IGSF11: variants seen among roughly 807,000 people sequenced by gnomAD.
IGSF11 encodes the protein immunoglobulin superfamily member 11.
A neutral mutation model predicts 41.0 loss-of-function variants in IGSF11; 22 were observed. The observed-to-expected ratio is 0.54, with a 90% confidence interval of 0.38 to 0.77. The LOEUF (loss-of-function observed/expected upper bound fraction) is 0.77. IGSF11 is among the 30% of genes least tolerant of loss of function. IGSF11 has a pLI of 0.00. For synonymous variants in IGSF11, 219 were observed against 201.3 expected (o/e 1.09, Z -0.74); for missense variants, 444 against 530.8 (o/e 0.84, Z 1.61).
At chr3:119,034,862 C>G, upstream of IGSF11, 1 of 1,208,984 alleles carries the variant, frequency 8.3e-7, no homozygotes, top group Non-Finnish European at 1.0e-6. Context: ...ACCCCTCGCG[C>G]AGTCCGGGGA....
chr3:119,059,433 C>G (rs1559843488), intron 1 of IGSF11, among the ~76,000 whole-genome samples: 1 of 151,928 alleles, frequency 6.6e-6, no homozygotes, highest in Non-Finnish European at 1.5e-5. Flanking sequence ...GTGGTGATTA[C>G]AAAAAAGTAC....
rs770350844 is a variant in IGSF11 at position 118,905,737 on chromosome 3, C to G, written c.581-19G>C. 3.1e-6 allele frequency: 5 copies of G among 1,612,822 alleles called. No individual in the cohort carries two copies. The highest frequency in any genetic ancestry group is 1.6e-4 in the Middle Eastern group (1 of 6,076). On this transcript the variant is annotated intron_variant, in intron 4 of 6. Coordinates refer to ENST00000393775, the MANE Select transcript of IGSF11 (RefSeq NM_001015887.3). Reference sequence around the variant, plus strand: ...ACCTGGTCTGTCACAAAAATAATAACCGAGTGAGGATTTGGCGGGACTAAT... The same window carrying G: ...ACCTGGTCTGTCACAAAAATAATAAGCGAGTGAGGATTTGGCGGGACTAAT...
At chr3:119,037,902 T>C (rs1692022469), upstream of IGSF11, among the ~76,000 whole-genome samples, 1 of 152,214 alleles carries the variant, frequency 6.6e-6, no homozygotes, top group Admixed American at 6.5e-5. Context: ...CATTCATATA[T>C]ATAAATTAAA....
intron 1 of IGSF11, among the ~76,000 whole-genome samples, chr3:119,044,956 A>G (rs1360692516): frequency 2.6e-5 from 4 of 152,232 alleles, no homozygotes; most frequent in Non-Finnish European, 5.9e-5. Flanking sequence ...ACCGCCTTAA[A>G]GCACAAATCT....
chr3:119,135,824 C>T (rs4387958), intron 1 of IGSF11, among the ~76,000 whole-genome samples: 30,143 of 152,042 alleles, frequency 0.2, 3,245 homozygotes, highest in South Asian at 0.29. Flanking sequence ...AAATGTCCAC[C>T]GATAATAGAC....
intron 1 of IGSF11, among the ~76,000 whole-genome samples, chr3:118,971,600 C>T (rs539184115): frequency 6.6e-5 from 10 of 152,104 alleles, no homozygotes; most frequent in African/African-American, 2.4e-4. Flanking sequence ...GTCAGGGGTT[C>T]AAGACCAGCC....
At chr3:118,947,264 C>T (rs1315694742) in intron 1 of IGSF11, 1 of 152,148 alleles carries the variant, frequency 6.6e-6, no homozygotes, top group Non-Finnish European at 1.5e-5. Flanking sequence ...TGCAAAATGG[C>T]TTGCAACTAA....
chr3:119,144,916 A>AATAGCACTTTGAAGCTACAAGCC (rs1386195343), intron 1 of IGSF11, among the ~76,000 whole-genome samples: 29 of 152,214 alleles, frequency 1.9e-4, no homozygotes, highest in Non-Finnish European at 1.5e-5. Flanking sequence ...CTCCAAAACC[A>AATAGCACTTTGAAGCTACAAGCC]ATAGCACTTT....
chr3:118,950,683 C>T (rs71325349), intron 1 of IGSF11, among the ~76,000 whole-genome samples: 9,222 of 151,780 alleles, frequency 0.061, 376 homozygotes, highest in Non-Finnish European at 0.092. Context: ...CCATTTATAT[C>T]AAGTTAATAA....
intron 4 of IGSF11, among the ~76,000 whole-genome samples, chr3:118,923,923 G>GTC (rs1942064713): frequency 6.6e-6 from 1 of 152,102 alleles, no homozygotes. Flanking sequence ...TATCCAACAG[G>GTC]TCTCTCCCTT....
chr3:119,089,184 A>C (rs1355334101), intron 1 of IGSF11, among the ~76,000 whole-genome samples: 1 of 152,138 alleles, frequency 6.6e-6, no homozygotes, highest in African/African-American at 2.4e-5. Flanking sequence ...TCCTCAACAA[A>C]ATATTAGCAT....
At chr3:119,012,792 C>T (rs1284821350) in intron 1 of IGSF11, 5 of 152,206 alleles carry the variant, frequency 3.3e-5, no homozygotes, top group Non-Finnish European at 4.4e-5. Context: ...TTAACAACCA[C>T]GACAGCCTCA....
chr3:118,921,090 A>C (rs1941731893), intron 4 of IGSF11, among the ~76,000 whole-genome samples: 2 of 152,150 alleles, frequency 1.3e-5, no homozygotes, highest in South Asian at 4.1e-4. Context: ...TACCCTAAGC[A>C]CCTTACTCAA....
At chr3:119,002,181 A>G (rs200929101) in intron 1 of IGSF11, among the ~76,000 whole-genome samples, 24,007 of 113,324 alleles carry the variant, frequency 0.21, 1,888 homozygotes, top group African/African-American at 0.34. Flanking sequence ...GTGTGAGATG[A>G]TATCTCATAG....
At chr3:119,112,953 G>A (rs1001524039) in intron 1 of IGSF11, among the ~76,000 whole-genome samples, 1 of 152,200 alleles carries the variant, frequency 6.6e-6, no homozygotes, top group African/African-American at 2.4e-5. Context: ...AAGTGAAGAG[G>A]AAGCAGACAT....
intron 1 of IGSF11, among the ~76,000 whole-genome samples, chr3:119,018,744 C>G (rs1938997543): frequency 6.6e-6 from 1 of 152,178 alleles, no homozygotes; most frequent in Admixed American, 6.5e-5. Context: ...CCAATAATGA[C>G]AGCTATGCCC....
chr3:118,927,823 T>C (rs1014655080), intron 3 of IGSF11, among the ~76,000 whole-genome samples: 16 of 152,076 alleles, frequency 1.1e-4, no homozygotes, highest in African/African-American at 3.9e-4. Flanking sequence ...AATTGAAAAA[T>C]AAAACATGCT....
chr3:119,076,969 C>T (rs148806574), intron 1 of IGSF11, among the ~76,000 whole-genome samples: 1,773 of 152,214 alleles, frequency 0.012, 41 homozygotes, highest in Non-Finnish European at 0.012. Flanking sequence ...CACATGCACA[C>T]GCATGTTTAT....
chr3:119,095,713 C>CA (rs1461502758), intron 1 of IGSF11, among the ~76,000 whole-genome samples: 3 of 152,210 alleles, frequency 2.0e-5, no homozygotes, highest in African/African-American at 7.2e-5. Context: ...CCATGGCCTA[C>CA]ACATGCAGTA....
Sources: gnomAD v4.1 joint callset for allele counts (sites outside exome capture counted in the v4.1 genomes callset) on GRCh38, gnomAD v4.1.1 for gene constraint, MANE v1.5 for transcripts, NCBI Gene and HGNC (gene_info 2026-07-23, HGNC 2026-07-21) for gene names.